ZSCAN25: variants seen among roughly 807,000 people sequenced by gnomAD.
ZSCAN25 encodes the protein zinc finger and SCAN domain-containing protein 25.
ZSCAN25 carries 27 observed loss-of-function variants against 38.7 expected under a neutral mutation model. That is an observed-to-expected ratio of 0.70 (90% CI 0.51 to 0.96). ZSCAN25 has a LOEUF of 0.96. Ranked by LOEUF, ZSCAN25 falls within the 40% of genes least tolerant of loss-of-function variation. The pLI is 0.00. For missense variants in ZSCAN25, 637 were observed against 705.9 expected (o/e 0.90, Z 1.11); for synonymous variants, 273 against 277.7 (o/e 0.98, Z 0.17).
At chr7:99,729,578 A>C in the ZSCAN25 span, among the ~76,000 whole-genome samples, 5 of 152,184 alleles carry the variant, frequency 3.3e-5, no homozygotes, top group African/African-American at 1.2e-4. Context: ...CTGCAAAAGA[A>C]ATGAAACAGC....
intron 4 of ZSCAN25, 35 bp downstream of exon 4, chr7:99,620,028 G>A (rs768846641): frequency 2.5e-5 from 39 of 1,571,130 alleles, no homozygotes; most frequent in Non-Finnish European, 3.1e-5. Flanking sequence ...TGGCGCCCTT[G>A]GCGTGGGCAG....
At chr7:99,686,905 C>T in the ZSCAN25 span, among the ~76,000 whole-genome samples, 8 of 152,190 alleles carry the variant, frequency 5.3e-5, no homozygotes, top group African/African-American at 1.9e-4. Flanking sequence ...CTGCTGATAC[C>T]CAGGCAAACA....
chr7:99,653,846 T>C, the ZSCAN25 span, among the ~76,000 whole-genome samples: 2 of 152,224 alleles, frequency 1.3e-5, no homozygotes, highest in Non-Finnish European at 2.9e-5. The surrounding 1 kb of genome is among the most constrained non-coding windows in gnomAD (Gnocchi z 4.2). Flanking sequence ...TGTAGAGGGT[T>C]AGAGTTTAGC....
At chr7:99,666,474 G>C in the ZSCAN25 span, 7 of 1,018,318 alleles carry the variant, frequency 6.9e-6, no homozygotes, top group Non-Finnish European at 1.1e-5. Context: ...TGGCTCTTTG[G>C]AGTTGCAGCG....
At chr7:99,683,871 A>G in the ZSCAN25 span, among the ~76,000 whole-genome samples, 1 of 152,062 alleles carries the variant, frequency 6.6e-6, no homozygotes, top group Non-Finnish European at 1.5e-5. Context: ...CCACCCACCT[A>G]ATGACTTTAG....
the ZSCAN25 span, chr7:99,735,047 G>A: frequency 6.2e-7 from 1 of 1,614,138 alleles, no homozygotes; most frequent in Non-Finnish European, 8.5e-7. Context: ...CAGGCTGACA[G>A]CCAGGAGAAG....
chr7:99,705,575 A>G, the ZSCAN25 span: 5 of 1,613,670 alleles, frequency 3.1e-6, no homozygotes, highest in South Asian at 1.1e-5. Context: ...GAAGTCCTCC[A>G]AAGCGTAATT....
chr7:99,627,542 C>T (rs769391147), intron 7 of ZSCAN25, among the ~76,000 whole-genome samples: 7 of 151,928 alleles, frequency 4.6e-5, no homozygotes, highest in Admixed American at 1.3e-4. Context: ...TATAGGTGAA[C>T]GTCACAAACA....
At chr7:99,618,983 T>C (rs1284190820) in intron 2 of ZSCAN25, 65 bp from the exon 3 acceptor site, 2 of 152,336 alleles carry the variant, frequency 1.3e-5, no homozygotes, top group African/African-American at 4.8e-5. Flanking sequence ...ATCATGTCTT[T>C]AGAAAAGCCT....
the ZSCAN25 span, chr7:99,663,352 A>G: frequency 1.0e-6 from 1 of 993,236 alleles, no homozygotes; most frequent in South Asian, 4.5e-5. Flanking sequence ...AACTCTATAT[A>G]ATCTTCAGTG....
the ZSCAN25 span, among the ~76,000 whole-genome samples, chr7:99,724,705 C>T: frequency 1.3e-5 from 2 of 152,178 alleles, no homozygotes; most frequent in African/African-American, 4.8e-5. Flanking sequence ...CCTCCTCCAC[C>T]TGCCCAACAA....
rs1434396993 is a variant in ZSCAN25 at position 99,630,656 on chromosome 7, A to T, written c.*636A>T. Reference sequence around the variant, plus strand: ...GCCCCGTGCTGGATCTTCCCTCCCCAGCTGGGATCTGCTCCCAGGCAACTG... The same window carrying T: ...GCCCCGTGCTGGATCTTCCCTCCCCTGCTGGGATCTGCTCCCAGGCAACTG... On this transcript the variant is annotated 3_prime_UTR_variant, in exon 8 of 8. Coordinates refer to ENST00000394152, the MANE Select transcript of ZSCAN25 (RefSeq NM_145115.3). The T allele has an allele frequency of 1.0e-6, 1 of 985,414 alleles. No homozygotes were observed. Among genetic ancestry groups the T allele is most frequent in the East Asian group, 1.1e-4 (1 of 8,822 alleles). 61.0% of individuals were successfully genotyped at this position (985,414 alleles called of 1,614,324 possible). A position where few individuals can be genotyped will look rare whatever the true frequency, so the allele number is the denominator to read the frequency against.
the ZSCAN25 span, among the ~76,000 whole-genome samples, chr7:99,650,412 A>G: frequency 2.6e-5 from 4 of 152,216 alleles, no homozygotes. Context: ...ATCATAACCT[A>G]CAGGTCCTTT....
chr7:99,734,493 T>A, the ZSCAN25 span, among the ~76,000 whole-genome samples: 1 of 152,232 alleles, frequency 6.6e-6, no homozygotes, highest in African/African-American at 2.4e-5. Flanking sequence ...TTCTTTCCAC[T>A]AAAGATGAAT....
the ZSCAN25 span, among the ~76,000 whole-genome samples, chr7:99,735,367 T>C: frequency 6.6e-6 from 1 of 152,122 alleles, no homozygotes; most frequent in African/African-American, 2.4e-5. Context: ...TGAGTTAATA[T>C]TCTATGTAGA....
chr7:99,714,462 C>G, the ZSCAN25 span: 2 of 1,558,868 alleles, frequency 1.3e-6, no homozygotes, highest in Non-Finnish European at 1.7e-6. Flanking sequence ...AAATCTTTCT[C>G]TAAAAACATA....
chr7:99,619,352 A>G (rs540803587), intron 3 of ZSCAN25, among the ~76,000 whole-genome samples: 2 of 152,308 alleles, frequency 1.3e-5, no homozygotes, highest in East Asian at 3.9e-4. Context: ...TAAAAGCAAA[A>G]TCTTAGACAT....
chr7:99,631,759 GA>G lies in ZSCAN25; in HGVS notation c.*1740del. On this transcript the variant is annotated 3_prime_UTR_variant, in exon 8 of 8. Transcript: ENST00000394152. ...GGTGTCTAATTTTGGCTTAGCAAAT[GA>G]CGCTCCTTGGTCTTCCTGGCTCATT... The G allele has an allele frequency of 1.0e-5, 10 of 985,438 alleles. No homozygotes were observed. Among genetic ancestry groups the G allele is most frequent in the Non-Finnish European group, 1.2e-5 (10 of 829,958 alleles). The allele number at this position is 985,438 out of a possible 1,614,324, so 61.0% of individuals were successfully genotyped here.
At chr7:99,685,785 G>C in the ZSCAN25 span, among the ~76,000 whole-genome samples, 1 of 152,308 alleles carries the variant, frequency 6.6e-6, no homozygotes, top group East Asian at 1.9e-4. Flanking sequence ...ACCTAGTGTC[G>C]AGGTCTTCAG....
Sources: allele counts gnomAD v4.1 joint callset (sites outside exome capture counted in the v4.1 genomes callset), GRCh38; gene constraint gnomAD v4.1.1; non-coding constraint Gnocchi (gnomAD v3.1); transcripts MANE v1.5; gene names NCBI Gene and HGNC (gene_info 2026-07-23, HGNC 2026-07-21).